Variants in CFAP47 observed in about 807,000 individuals in gnomAD.
The protein encoded by CFAP47 is cilia- and flagella-associated protein 47.
CFAP47 carries 29 observed loss-of-function variants against 148.1 expected under a neutral mutation model. The observed-to-expected ratio is 0.20, with a 90% confidence interval of 0.15 to 0.27. The LOEUF is 0.27. Ranked by LOEUF, CFAP47 falls within the 10% of genes least tolerant of loss-of-function variation. The probability of loss-of-function intolerance (pLI) is 1.00; values close to 1 mark genes in which losing one functional copy is unlikely to be tolerated. For synonymous variants in CFAP47, 664 were observed against 577.3 expected, an observed-to-expected ratio of 1.15 and a Z score of -2.15; for missense variants, 1,872 against 1,697.5, an observed-to-expected ratio of 1.10 and a Z score of -1.81.
At chrX:36,017,576 T>G (rs753727817) in intron 22 of CFAP47, among the ~76,000 whole-genome samples, 1 of 112,054 alleles carries the variant, frequency 8.9e-6, no homozygotes, top group Non-Finnish European at 1.9e-5. Context: ...TGGTGAGAGA[T>G]AGTGGTGTAG....
At chrX:36,117,559 A>G (rs1345312908) in intron 33 of CFAP47, among the ~76,000 whole-genome samples, 2 of 112,113 alleles carry the variant, frequency 1.8e-5, no homozygotes, top group East Asian at 2.8e-4. Context: ...AGAAATGCCT[A>G]TTCAAACCTT....
intron 57 of CFAP47, among the ~76,000 whole-genome samples, chrX:36,343,851 C>T (rs182743333): frequency 5.2e-4 from 57 of 110,456 alleles, no homozygotes; most frequent in African/African-American, 1.8e-3. Flanking sequence ...CAATTCCCAC[C>T]TATGAGTGAG....
At chrX:36,218,519 A>G (rs1382681378) in intron 45 of CFAP47, among the ~76,000 whole-genome samples, 1 of 111,786 alleles carries the variant, frequency 8.9e-6, no homozygotes, top group Non-Finnish European at 1.9e-5. Context: ...CTCTATCAAT[A>G]ATGTATAGAA....
rs782243787 is a variant in CFAP47, at chrX:36,235,190, CT to C, written c.7015-739del. 5.2e-3 allele frequency among the ~76,000 whole-genome samples: 582 copies of C among 111,955 alleles called. 1 individual carries two copies. Among genetic ancestry groups the C allele is most frequent in the African/African-American group, 0.018 (554 of 30,803 alleles). ...TTAAGTCTGCAGAGGTTACTGCTGTCTTTTTGTTTGTCTGTGCCCTGCCCCC... is the reference window on the plus strand; with the variant it reads ...TTAAGTCTGCAGAGGTTACTGCTGTCTTTTGTTTGTCTGTGCCCTGCCCCC... On this transcript the variant is annotated intron_variant, in intron 46 of 63. Coordinates refer to ENST00000378653, the MANE Select transcript of CFAP47 (RefSeq NM_001304548.2).
intron 56 of CFAP47, among the ~76,000 whole-genome samples, chrX:36,313,773 T>C (rs184404541): frequency 2.9e-4 from 32 of 110,433 alleles, no homozygotes; most frequent in Non-Finnish European, 5.5e-4. Context: ...TCCTCATTTT[T>C]CTCTCTCTCT....
intron 50 of CFAP47, among the ~76,000 whole-genome samples, chrX:36,283,442 G>T (rs1474081956): frequency 8.9e-6 from 1 of 111,813 alleles, no homozygotes; most frequent in Non-Finnish European, 1.9e-5. Context: ...AGGTGTTATT[G>T]TCCCTGCGAT....
chrX:36,093,383 A>C (rs1222639618), intron 30 of CFAP47, among the ~76,000 whole-genome samples: 1 of 111,570 alleles, frequency 9.0e-6, no homozygotes, highest in African/African-American at 3.2e-5. Context: ...CACAGTGTAC[A>C]AAGGCTCCCT....
chrX:36,199,225 A>G (rs945563015), intron 42 of CFAP47, among the ~76,000 whole-genome samples: 2 of 111,430 alleles, frequency 1.8e-5, no homozygotes, highest in Non-Finnish European at 3.8e-5. Flanking sequence ...TTTCCTTTTT[A>G]TTAAAACTCT....
At chrX:36,026,529 A>G (rs1336655342) in intron 22 of CFAP47, among the ~76,000 whole-genome samples, 1 of 111,420 alleles carries the variant, frequency 9.0e-6, no homozygotes, top group Non-Finnish European at 1.9e-5. Flanking sequence ...GATCAGTTTG[A>G]ATGACATTTC....
At chrX:36,167,688 G>T (rs969337617) in intron 39 of CFAP47, among the ~76,000 whole-genome samples, 1 of 111,608 alleles carries the variant, frequency 9.0e-6, no homozygotes, top group African/African-American at 3.3e-5. Context: ...GGAGCCAGGG[G>T]AAGGAAGAGC....
At chrX:35,950,461 G>A (rs755822566) in intron 4 of CFAP47, among the ~76,000 whole-genome samples, 1 of 111,552 alleles carries the variant, frequency 9.0e-6, no homozygotes, top group African/African-American at 3.3e-5. Flanking sequence ...GACCTCCCAT[G>A]CTCCAGCAAT....
intron 27 of CFAP47, among the ~76,000 whole-genome samples, chrX:36,069,072 G>A (rs1221280368): frequency 9.1e-6 from 1 of 110,352 alleles, no homozygotes; most frequent in East Asian, 2.8e-4. Context: ...GTTATGAAGA[G>A]TCACACAAAC....
At chrX:36,092,142 T>C (rs1240321693) in intron 30 of CFAP47, among the ~76,000 whole-genome samples, 3 of 111,746 alleles carry the variant, frequency 2.7e-5, no homozygotes, top group Non-Finnish European at 5.7e-5. Flanking sequence ...TATATGCATA[T>C]AAATATGTAC....
intron 2 of CFAP47, among the ~76,000 whole-genome samples, chrX:35,938,677 G>T (rs1935953643): frequency 9.0e-6 from 1 of 111,380 alleles, no homozygotes; most frequent in Non-Finnish European, 1.9e-5. Context: ...GAGAGAAGTT[G>T]TCTCCATAAT....
rs145909094 is a variant in CFAP47 at position 36,157,531 on chromosome X, A to G, written c.5787-1895A>G. ...TGATACTTCACATTCCACCTAATAT[A>G]TCACTTTCTCTGACCTTTCAGACTA... is the stretch of plus-strand genomic sequence containing the variant. On this transcript the variant is annotated intron_variant, in intron 37 of 63. Transcript: ENST00000378653. Among the ~76,000 whole-genome samples, 838 of 111,479 alleles carry G rather than the reference A, an allele frequency of 7.5e-3. 5 individuals are homozygous for G. Among genetic ancestry groups the G allele is most frequent in the African/African-American group, 0.026 (802 of 30,737 alleles).
At chrX:36,038,323 C>G (rs1347235156) in intron 24 of CFAP47, among the ~76,000 whole-genome samples, 1 of 112,018 alleles carries the variant, frequency 8.9e-6, no homozygotes, top group Non-Finnish European at 1.9e-5. Context: ...CTATCACACA[C>G]TATTCTTGGA....
intron 26 of CFAP47, among the ~76,000 whole-genome samples, chrX:36,048,704 G>C (rs756738099): frequency 8.9e-6 from 1 of 111,820 alleles, no homozygotes; most frequent in Non-Finnish European, 1.9e-5. Context: ...GGGGATAGAA[G>C]TTTTATTCAA....
chrX:36,385,227 A>G lies in CFAP47; in HGVS notation c.*221A>G, dbSNP rs1253898758. 1 of 336,469 alleles carries G rather than the reference A, an allele frequency of 3.0e-6. No homozygotes were observed. Among genetic ancestry groups the G allele is most frequent in the Admixed American group, 5.3e-5 (1 of 18,704 alleles). 27.7% of individuals were successfully genotyped at this position (336,469 alleles called of 1,213,427 possible). On this transcript the variant is annotated 3_prime_UTR_variant, in exon 64 of 64. Transcript: ENST00000378653. The stretch of plus-strand genomic sequence containing the variant: ...TGGAATTGGTTCACTTTTAAAGTGC[A>G]GGTGTATATTTGTGGTAAAACGAAA...
At chrX:36,261,947 C>CG (rs1340411003) in intron 49 of CFAP47, among the ~76,000 whole-genome samples, 3 of 109,437 alleles carry the variant, frequency 2.7e-5, no homozygotes, top group Non-Finnish European at 5.7e-5. Context: ...GCTGGCCGGG[C>CG]GGGGGCTGAC....
Sources: allele counts gnomAD v4.1 joint callset (sites outside exome capture counted in the v4.1 genomes callset), GRCh38; gene constraint gnomAD v4.1.1; transcripts MANE v1.5; gene names NCBI Gene and HGNC (gene_info 2026-07-23, HGNC 2026-07-21).